The following ATP6V1C1 variants were observed in gnomAD, a reference collection of about 807,000 sequenced individuals.
ATP6V1C1 encodes ATPase H+ transporting V1 subunit C1.
In ATP6V1C1, 45 loss-of-function variants were observed where a neutral mutation model predicts 53.9. The ratio of observed to expected loss-of-function variants is 0.83; its 90% CI spans 0.66 to 1.07. The LOEUF is 1.07. Ranked by LOEUF, ATP6V1C1 falls within the 50% of genes least tolerant of loss-of-function variation. ATP6V1C1 has a pLI of 0.00. For synonymous variants in ATP6V1C1, 153 were observed against 155.2 expected, an observed-to-expected ratio of 0.99 and a Z score of 0.11; for missense variants, 315 against 440.3, an observed-to-expected ratio of 0.72 and a Z score of 2.55.
At chr8:103,061,973 A>G (rs867755741) in intron 8 of ATP6V1C1, among the ~76,000 whole-genome samples, 1 of 152,226 alleles carries the variant, frequency 6.6e-6, no homozygotes, top group South Asian at 2.1e-4. Context: ...CCAAGGTATT[A>G]CAGATTTAAA....
At chr8:103,043,743 G>A (rs536374077) in intron 3 of ATP6V1C1, among the ~76,000 whole-genome samples, 2 of 152,282 alleles carry the variant, frequency 1.3e-5, no homozygotes, top group Admixed American at 6.5e-5. Flanking sequence ...TTGGAGAAAT[G>A]TCTATTCAGA....
intron 3 of ATP6V1C1, among the ~76,000 whole-genome samples, chr8:103,045,157 G>A (rs1817072245): frequency 6.6e-6 from 1 of 152,190 alleles, no homozygotes; most frequent in African/African-American, 2.4e-5. Context: ...AGCTTTAAGG[G>A]AATAATAGGC....
intron 1 of ATP6V1C1, among the ~76,000 whole-genome samples, chr8:103,038,258 T>C (rs1048923482): frequency 9.2e-5 from 14 of 152,144 alleles, no homozygotes; most frequent in African/African-American, 3.1e-4. Context: ...ACATGTGGCC[T>C]TATCACTTGC....
At chr8:103,058,172 T>C (rs556091260) in intron 8 of ATP6V1C1, among the ~76,000 whole-genome samples, 2 of 152,342 alleles carry the variant, frequency 1.3e-5, no homozygotes, top group Admixed American at 1.3e-4. Flanking sequence ...ACAGTCACTT[T>C]AGTAGTTTAA....
chr8:103,044,674 CTT>C (rs35353838), intron 3 of ATP6V1C1, among the ~76,000 whole-genome samples: 22 of 132,692 alleles, frequency 1.7e-4, no homozygotes, highest in African/African-American at 2.8e-4. Flanking sequence ...AATTCTCCAA[CTT>C]TTTTTTTTTT....
At position 103,070,568 on chromosome 8, in the gene ATP6V1C1, TGGG is replaced by T. The variant is rs936027448; in HGVS notation, c.*1826_*1828del. The T allele has an allele frequency of 2.0e-5, 3 of 152,130 alleles. No individual in the cohort carries two copies. Among genetic ancestry groups the T allele is most frequent in the African/African-American group, 7.2e-5 (3 of 41,430 alleles). 9.4% of individuals were successfully genotyped at this position (152,130 alleles called of 1,614,324 possible). A position where few individuals can be genotyped will look rare whatever the true frequency, so the allele number is the denominator to read the frequency against. ...TAACGTGGCGCTACTCTCTCTATCA[TGGG>T]GGGGCATGTTTTGACATTAAATTGA... On this transcript the variant is annotated 3_prime_UTR_variant, in exon 13 of 13. Coordinates refer to ENST00000518738, the MANE Select transcript of ATP6V1C1 (RefSeq NM_001695.5).
chr8:103,055,009 G>T lies in ATP6V1C1; in HGVS notation c.573-859G>T, dbSNP rs561632308. Among the ~76,000 whole-genome samples, 30 of 152,196 alleles carry T rather than the reference G, an allele frequency of 2.0e-4. 1 individual carries two copies. The highest frequency in any genetic ancestry group is 3.3e-4 in the Admixed American group (5 of 15,268). On this transcript the variant is annotated intron_variant, in intron 7 of 12. Transcript: ENST00000518738. ...AAAATTTTGGATTTTTCTTTGCACA[G>T]GGAGAAGGCCTTAAATCTAAGGATT... is the stretch of plus-strand genomic sequence containing the variant.
In ATP6V1C1 at chr8:103,066,307, TGCTTTTTTGTAAGGTATG is replaced by T; in HGVS notation, c.927-9_935del. On this transcript the variant is annotated splice_acceptor_variant and splice_polypyrimidine_tract_variant and coding_sequence_variant and intron_variant, in exon 12 of 13. Coordinates refer to ENST00000518738, the MANE Select transcript of ATP6V1C1 (RefSeq NM_001695.5). LOFTEE classifies it high-confidence loss of function. Reference sequence around the variant, plus strand: ...TTGCTTGTATTGCGTACTGTATTTCTGCTTTTTTGTAAGGTATGGCTTGCCAGTGAACTTCCAAGCAAT... The same window carrying T: ...TTGCTTGTATTGCGTACTGTATTTCTGCTTGCCAGTGAACTTCCAAGCAAT... 1 of 1,597,146 alleles carries T rather than the reference TGCTTTTTTGTAAGGTATG, an allele frequency of 6.3e-7. No individual in the cohort carries two copies. The highest frequency in any genetic ancestry group is 8.5e-7 in the Non-Finnish European group (1 of 1,175,422).
At chr8:103,025,151 A>G (rs1471665233) in intron 1 of ATP6V1C1, among the ~76,000 whole-genome samples, 3 of 152,222 alleles carry the variant, frequency 2.0e-5, no homozygotes, top group Non-Finnish European at 4.4e-5. Context: ...GATATTTTAA[A>G]CAGACTATCA....
In ATP6V1C1 at chr8:103,071,774, G is replaced by T. The variant is rs765286004; in HGVS notation, c.*3027G>T. Reference sequence around the variant, plus strand: ...TGGGCCTACAGGTGCGTGCTACCACGCCTGGCCAATTTTTTAAATTTTAGC... The same window carrying T: ...TGGGCCTACAGGTGCGTGCTACCACTCCTGGCCAATTTTTTAAATTTTAGC... On this transcript the variant is annotated 3_prime_UTR_variant, in exon 13 of 13. Coordinates refer to ENST00000518738, the MANE Select transcript of ATP6V1C1 (RefSeq NM_001695.5). The T allele has an allele frequency of 6.6e-6, 1 of 152,170 alleles. No individual in the cohort carries two copies. The highest frequency in any genetic ancestry group is 2.1e-4 in the South Asian group (1 of 4,832). The allele number at this position is 152,170 out of a possible 1,614,324, so 9.4% of individuals were successfully genotyped here.
chr8:103,050,600 ATTG>A (rs904165528), intron 4 of ATP6V1C1, among the ~76,000 whole-genome samples: 3 of 152,162 alleles, frequency 2.0e-5, no homozygotes, highest in African/African-American at 7.2e-5. Context: ...TGTTTTGAAA[ATTG>A]TTAAAATGTG....
intron 11 of ATP6V1C1, among the ~76,000 whole-genome samples, chr8:103,065,916 C>T (rs1817481002): frequency 6.6e-6 from 1 of 151,842 alleles, no homozygotes; most frequent in Non-Finnish European, 1.5e-5. Flanking sequence ...GTGGTATGTG[C>T]CTGTAATCCC....
chr8:103,052,850 T>C (rs771921897), intron 6 of ATP6V1C1, 28 bp downstream of exon 6: 3 of 1,437,704 alleles, frequency 2.1e-6, no homozygotes, highest in Non-Finnish European at 2.9e-6. Context: ...ATTTGAGTAC[T>C]AAGAACTGGG....
At chr8:103,058,027 C>A (rs2454043) in intron 8 of ATP6V1C1, among the ~76,000 whole-genome samples, 104,929 of 151,952 alleles carry the variant, frequency 0.69, 37,184 homozygotes, top group African/African-American at 0.85. Context: ...CGTGGTGCAC[C>A]CAGAATGTCC....
rs1817561686 is a variant in ATP6V1C1, at chr8:103,070,138, T to C, written c.*1391T>C. ...AGTATATCTAAGAGAATCCTTTGTGTCAGTGAAGCTGGAGCTACCTCATTC... is the reference window on the plus strand; with the variant it reads ...AGTATATCTAAGAGAATCCTTTGTGCCAGTGAAGCTGGAGCTACCTCATTC... On this transcript the variant is annotated 3_prime_UTR_variant, in exon 13 of 13. Coordinates refer to ENST00000518738, the MANE Select transcript of ATP6V1C1 (RefSeq NM_001695.5). 6.6e-6 allele frequency: 1 copy of C among 152,264 alleles called. No individual in the cohort carries two copies. The highest frequency in any genetic ancestry group is 6.5e-5 in the Admixed American group (1 of 15,280). The allele number at this position is 152,264 out of a possible 1,614,324, so 9.4% of individuals were successfully genotyped here. A position where few individuals can be genotyped will look rare whatever the true frequency, so the allele number is the denominator to read the frequency against.
intron 8 of ATP6V1C1, among the ~76,000 whole-genome samples, chr8:103,056,397 A>G (rs111250209): frequency 3.3e-5 from 5 of 152,202 alleles, no homozygotes; most frequent in African/African-American, 1.2e-4. Flanking sequence ...TTGAGCTTAG[A>G]TTTTACCTAA....
rs1343404106 is a variant in ATP6V1C1, at chr8:103,069,428, G to A, written c.*681G>A. ...TCTGACTTTCGTATGATTTAATTGA[G>A]CCAAATTTGGGTCAGAACACAAATT... On this transcript the variant is annotated 3_prime_UTR_variant, in exon 13 of 13. Coordinates refer to ENST00000518738, the MANE Select transcript of ATP6V1C1 (RefSeq NM_001695.5). 6.6e-6 allele frequency: 1 copy of A among 152,132 alleles called. No homozygotes were observed. The highest frequency in any genetic ancestry group is 6.5e-5 in the Admixed American group (1 of 15,274). 9.4% of individuals were successfully genotyped at this position (152,132 alleles called of 1,614,324 possible).
chr8:103,066,534 G>C, intron 12 of ATP6V1C1, 87 bp downstream of exon 12: 2 of 1,354,400 alleles, frequency 1.5e-6, no homozygotes, highest in Non-Finnish European at 2.0e-6. Context: ...AAAAGGGAGG[G>C]TAAGTATGAA....
At chr8:103,048,056 A>G (rs915067816) in intron 3 of ATP6V1C1, among the ~76,000 whole-genome samples, 1 of 152,242 alleles carries the variant, frequency 6.6e-6, no homozygotes, top group Non-Finnish European at 1.5e-5. Context: ...AGAGGCAGAC[A>G]TGGAATAAGG....
Sources: allele counts gnomAD v4.1 joint callset (sites outside exome capture counted in the v4.1 genomes callset), GRCh38; gene constraint gnomAD v4.1.1; transcripts MANE v1.5; gene names NCBI Gene and HGNC (gene_info 2026-07-23, HGNC 2026-07-21).